Variants in BTAF1 observed in about 807,000 individuals in gnomAD.
The protein encoded by BTAF1 is B-TFIID TATA-box binding protein associated factor 1.
BTAF1 carries 38 observed loss-of-function variants against 227.1 expected under a neutral mutation model. The ratio of observed to expected loss-of-function variants is 0.17; its 90% CI spans 0.13 to 0.22. The LOEUF (loss-of-function observed/expected upper bound fraction) is 0.22. Among genes scored for constraint, BTAF1 ranks in the 10% least tolerant of loss-of-function variants. BTAF1 has a pLI of 1.00. For synonymous variants in BTAF1, 742 were observed against 751.9 expected (o/e 0.99, Z 0.21); for missense variants, 1,598 against 2,204.0 (o/e 0.73, Z 5.51).
At chr10:91,941,897 G>A (rs1273321865) in intron 3 of BTAF1, among the ~76,000 whole-genome samples, 2 of 152,178 alleles carry the variant, frequency 1.3e-5, no homozygotes, top group Non-Finnish European at 2.9e-5. Flanking sequence ...TGTGGAAAAG[G>A]AACCACCAAC....
intron 2 of BTAF1, among the ~76,000 whole-genome samples, chr10:91,939,249 T>A (rs1844840878): frequency 6.6e-6 from 1 of 152,222 alleles, no homozygotes; most frequent in African/African-American, 2.4e-5. Flanking sequence ...ATTTTCAGAT[T>A]GTTTAATGTG....
In BTAF1 at chr10:91,980,450, T is replaced by G; in HGVS notation, c.1651-4T>G. On this transcript the variant is annotated splice_polypyrimidine_tract_variant and splice_region_variant and intron_variant, in intron 14 of 37. Coordinates refer to ENST00000265990, the MANE Select transcript of BTAF1 (RefSeq NM_003972.3). ...ACAGCTTTTAATTCTGTTTTTGTTT[T>G]CAGAACTCTTCATCTTGGCTTATAC... 6.2e-7 allele frequency: 1 copy of G among 1,605,052 alleles called. No homozygotes were observed. The highest frequency in any genetic ancestry group is 8.5e-7 in the Non-Finnish European group (1 of 1,172,650).
Position 92,018,664 on chromosome 10 carries a change from A to G in BTAF1, c.4711-119A>G, listed in dbSNP as rs543624944. 106 of 899,736 alleles carry G rather than the reference A, an allele frequency of 1.2e-4. No individual in the cohort carries two copies. The South Asian group carries it at 1.5e-3, about 13-fold the overall frequency. The allele number at this position is 899,736 out of a possible 1,614,324, so 55.7% of individuals were successfully genotyped here. ...AAGAATGAGTAGAAGTTTGCCGAGCAAGAAGAGGGAGAAAGGCATTCTAAA... is the reference window on the plus strand; with the variant it reads ...AAGAATGAGTAGAAGTTTGCCGAGCGAGAAGAGGGAGAAAGGCATTCTAAA... On this transcript the variant is annotated intron_variant, in intron 33 of 37. Transcript: ENST00000265990.
chr10:91,972,055 T>C (rs999205676), intron 14 of BTAF1, among the ~76,000 whole-genome samples: 5 of 152,218 alleles, frequency 3.3e-5, no homozygotes, highest in African/African-American at 1.2e-4. Context: ...CCTTAAAGTT[T>C]GGAATTTTCG....
At chr10:91,987,928 A>G (rs998007870) in intron 19 of BTAF1, among the ~76,000 whole-genome samples, 2 of 152,100 alleles carry the variant, frequency 1.3e-5, no homozygotes, top group African/African-American at 4.8e-5. Context: ...TCCAGAGTTC[A>G]TCTCTTTTTC....
intron 9 of BTAF1, chr10:91,959,397 T>C (rs1589811525): frequency 1.5e-6 from 1 of 680,144 alleles, no homozygotes; most frequent in East Asian, 4.0e-5. Flanking sequence ...GTATAAATAA[T>C]AGATATATGA....
At chr10:92,024,376 G>T (rs1440937938) in intron 34 of BTAF1, among the ~76,000 whole-genome samples, 1 of 152,118 alleles carries the variant, frequency 6.6e-6, no homozygotes, top group East Asian at 1.9e-4. Flanking sequence ...GAAAAGGAAG[G>T]TAGGTTTGTT....
intron 32 of BTAF1, among the ~76,000 whole-genome samples, chr10:92,014,446 C>T (rs1429064854): frequency 1.3e-5 from 2 of 152,108 alleles, no homozygotes; most frequent in African/African-American, 2.4e-5. Context: ...AGGGTGGTCT[C>T]AAACTCCCAG....
At chr10:91,928,762 C>T (rs1844047626) in intron 1 of BTAF1, among the ~76,000 whole-genome samples, 2 of 4,884 alleles carry the variant, frequency 4.1e-4, no homozygotes, top group Admixed American at 2.0e-3. Flanking sequence ...AGAATCCATC[C>T]CCCCCCCCCC....
rs191122358 is a variant in BTAF1, at chr10:91,984,922, A to G, written c.2427+518A>G. On this transcript the variant is annotated intron_variant, in intron 19 of 37. Transcript: ENST00000265990. ...GGGCAGTTTTTTTAAATGCGTTTCT[A>G]AGTAAGTTTCAGATATCAGTATACT... Among the ~76,000 whole-genome samples the G allele has an allele frequency of 6.3e-3, 963 of 152,292 alleles. 13 individuals carry two copies. Among genetic ancestry groups the G allele is most frequent in the Non-Finnish European group, 9.8e-3 (665 of 68,012 alleles).
At chr10:91,935,840 GA>G in intron 2 of BTAF1, 60 bp downstream of exon 2, 1 of 1,351,262 alleles carries the variant, frequency 7.4e-7, no homozygotes, top group Non-Finnish European at 9.8e-7. Flanking sequence ...TCATGGATAG[GA>G]ACACAAAAAT....
intron 33 of BTAF1, among the ~76,000 whole-genome samples, chr10:92,016,767 G>A (rs932302168): frequency 1.3e-5 from 2 of 152,102 alleles, no homozygotes; most frequent in South Asian, 2.1e-4. Context: ...GAGCCACCAC[G>A]TCTGGCCCAT....
intron 25 of BTAF1, among the ~76,000 whole-genome samples, chr10:92,000,973 A>C (rs1849487332): frequency 6.6e-6 from 1 of 152,222 alleles, no homozygotes; most frequent in Admixed American, 6.5e-5. Context: ...CTAGAACATG[A>C]TACAGATTTT....
At chr10:92,027,963 G>C (rs1851639432) in intron 37 of BTAF1, among the ~76,000 whole-genome samples, 1 of 152,160 alleles carries the variant, frequency 6.6e-6, no homozygotes, top group Non-Finnish European at 1.5e-5. Flanking sequence ...TTTCAAGTAA[G>C]AGAAAATCGT....
At position 91,988,089 on chromosome 10, in the gene BTAF1, C is replaced by T. The variant is rs1848526525; in HGVS notation, c.2428-1065C>T. Among the ~76,000 whole-genome samples, 3 of 152,194 alleles carry T rather than the reference C, an allele frequency of 2.0e-5. No homozygotes were observed. The South Asian group carries it at 6.2e-4, about 32-fold the overall frequency. On this transcript the variant is annotated intron_variant, in intron 19 of 37. Transcript: ENST00000265990. ...AAGCATAAGTGTTATCCTCCTCTGA[C>T]AAGTCTCCCACTAATCTCTTCTTCT...
Position 91,951,537 on chromosome 10 carries a change from A to C in BTAF1, c.535A>C (p.Thr179Pro). Residue 179 changes from threonine to proline, a missense_variant, in exon 5 of 38, where the codon ACT (threonine) becomes CCT (proline). This residue lies in a region of BTAF1 where 298 missense variants were observed against 395.2 expected (regional missense o/e 0.75). Coordinates refer to ENST00000265990, the MANE Select transcript of BTAF1 (RefSeq NM_003972.3). ...TGATGAGGATTTGGATTATACCCCA[A>C]CTTCAGCATCCTTTGTTAACAAACA... Reference protein sequence around the residue: ...FNDEDLDYTPTSASFVNKQPT... With the variant: ...FNDEDLDYTPPSASFVNKQPT... 6.2e-7 allele frequency: 1 copy of C among 1,603,962 alleles called. No individual in the cohort carries two copies. Among genetic ancestry groups the C allele is most frequent in the Non-Finnish European group, 8.5e-7 (1 of 1,177,112 alleles).
At chr10:91,991,775 A>ATATGTG (rs1287678246) in intron 20 of BTAF1, among the ~76,000 whole-genome samples, 1 of 81,508 alleles carries the variant, frequency 1.2e-5, no homozygotes, top group Admixed American at 1.1e-4. Flanking sequence ...AATTATATAT[A>ATATGTG]TGTGTGTGTG....
At position 92,008,184 on chromosome 10, in the gene BTAF1, G is replaced by A. The variant is rs762217759; in HGVS notation, c.3722G>A (p.Arg1241Gln). 1.1e-5 allele frequency: 18 copies of A among 1,604,018 alleles called. No individual in the cohort carries two copies. Among genetic ancestry groups the A allele is most frequent in the Admixed American group, 1.8e-5 (1 of 56,596 alleles). The change falls in exon 26 of 38, where the codon CGA (arginine) becomes CAA (glutamine). Residue 1241 changes from arginine (R) to glutamine (Q), a missense_variant. Arg to Gln is a conservative substitution (Grantham distance 43). Around this residue, in one of 10 missense-constraint regions of BTAF1, gnomAD observed 184 missense variants for 341.1 expected, o/e 0.54. Transcript: ENST00000265990. ...TTAATCCAATTGAAAGCCAAGGAGC[G>A]ACACTTTTTGGAGCAATTGTTAGAT... ...AELIQLKAKE[R>Q]HFLEQLLDGK... is the part of the protein sequence containing the mutation.
intron 4 of BTAF1, among the ~76,000 whole-genome samples, chr10:91,944,020 G>A (rs1178504176): frequency 2.0e-5 from 3 of 151,962 alleles, no homozygotes; most frequent in Non-Finnish European, 4.4e-5. Flanking sequence ...GTGTGGAGGC[G>A]GGTGCCTGTA....
Sources: allele counts gnomAD v4.1 joint callset (sites outside exome capture counted in the v4.1 genomes callset), GRCh38; gene constraint gnomAD v4.1.1; regional missense constraint gnomAD v4.1.1; transcripts MANE v1.5; gene names NCBI Gene and HGNC (gene_info 2026-07-23, HGNC 2026-07-21).